LARP6: variants seen among roughly 807,000 people sequenced by gnomAD.
The protein encoded by LARP6 is La ribonucleoprotein 6, translational regulator.
In LARP6, 18 loss-of-function variants were observed where a neutral mutation model predicts 32.8. The ratio of observed to expected loss-of-function variants is 0.55; its 90% CI spans 0.38 to 0.81. LARP6 has a LOEUF of 0.81. LARP6 is among the 40% of genes least tolerant of loss of function. LARP6 has a pLI of 0.00. For missense variants in LARP6, 598 were observed against 663.1 expected (o/e 0.90, Z 1.08); for synonymous variants, 289 against 267.2 (o/e 1.08, Z -0.80).
At chr15:70,844,218 A>G (rs989547882) in intron 1 of LARP6, among the ~76,000 whole-genome samples, 11 of 152,196 alleles carry the variant, frequency 7.2e-5, no homozygotes, top group African/African-American at 1.9e-4. Context: ...CAGCCTCCCA[A>G]TGTGCTGGGA....
chr15:70,845,309 C>T (rs996017252), intron 1 of LARP6, among the ~76,000 whole-genome samples: 1 of 152,158 alleles, frequency 6.6e-6, no homozygotes, highest in Admixed American at 6.5e-5. Flanking sequence ...CCTGAGGCTC[C>T]TCTTGGCTGT....
rs776336405 is a variant in LARP6, at chr15:70,832,614, T to C, written c.914A>G (p.Asn305Ser). 39 of 1,606,932 alleles carry C rather than the reference T, an allele frequency of 2.4e-5. No homozygotes were observed. Among genetic ancestry groups the C allele is most frequent in the Non-Finnish European group, 2.9e-5 (34 of 1,177,856 alleles). ...PPKKKPAKDK[N>S]HDEEPTASIH... ...GCTCGCAGTGGGCTCCTCGTCATGA[T>C]TTTTGTCTTTGGCAGGTTTCTTTTT... is the stretch of plus-strand genomic sequence containing the variant. The change falls in exon 3 of 3, where the codon AAT becomes AGT. Residue 305 changes from asparagine (N) to serine (S), a missense_variant. Around this residue, in one of 3 missense-constraint regions of LARP6, gnomAD observed 368 missense variants for 397.9 expected, o/e 0.92. Transcript: ENST00000299213.
chr15:70,839,175 C>G (rs1440061882), intron 1 of LARP6, among the ~76,000 whole-genome samples: 2 of 152,120 alleles, frequency 1.3e-5, no homozygotes, highest in African/African-American at 4.8e-5. Context: ...CACGGTGGCT[C>G]ACACCTATAA....
intron 1 of LARP6, among the ~76,000 whole-genome samples, chr15:70,846,729 T>C (rs1219267551): frequency 1.3e-5 from 2 of 152,034 alleles, no homozygotes; most frequent in East Asian, 3.8e-4. Context: ...GCATCAAAAC[T>C]TATTTCCATC....
intron 1 of LARP6, among the ~76,000 whole-genome samples, chr15:70,848,342 A>T (rs575887833): frequency 1.3e-5 from 2 of 152,310 alleles, no homozygotes; most frequent in African/African-American, 4.8e-5. Context: ...CAACTAGTGG[A>T]TGTCTCCATG....
chr15:70,832,584 T>A lies in LARP6; in HGVS notation c.944A>T (p.His315Leu). 6.3e-7 allele frequency: 1 copy of A among 1,588,764 alleles called. No homozygotes were observed. The highest frequency in any genetic ancestry group is 8.5e-7 in the Non-Finnish European group (1 of 1,169,876). Residue 315 changes from histidine to leucine, a missense_variant, in exon 3 of 3, where the codon CAC (histidine) becomes CTC (leucine). Transcript: ENST00000299213. ...NHDEEPTASI[H>L]LNKSLNKRVE... Reference sequence around the variant, plus strand: ...TCTCTTGTTCAGGGACTTGTTCAGGTGGATGCTCGCAGTGGGCTCCTCGTC... The same window carrying A: ...TCTCTTGTTCAGGGACTTGTTCAGGAGGATGCTCGCAGTGGGCTCCTCGTC...
chr15:70,853,261 G>A (rs2032532703), intron 1 of LARP6: 2 of 129,282 alleles, frequency 1.5e-5, no homozygotes, highest in Non-Finnish European at 3.1e-5. Context: ...CAAACATAAA[G>A]GTCTGGTGGG....
intron 1 of LARP6, among the ~76,000 whole-genome samples, chr15:70,847,027 C>T (rs1468240492): frequency 2.0e-5 from 3 of 152,198 alleles, no homozygotes; most frequent in Non-Finnish European, 4.4e-5. Flanking sequence ...GAGAGTAGAA[C>T]TCAAGCTGGT....
intron 1 of LARP6, among the ~76,000 whole-genome samples, chr15:70,842,647 G>C (rs893497541): frequency 6.6e-6 from 1 of 152,156 alleles, no homozygotes; most frequent in East Asian, 1.9e-4. Flanking sequence ...CCCATCAATA[G>C]GCATTCTATC....
rs767830826 is a variant in LARP6 at position 70,854,023 on chromosome 15, G to A, written c.66C>T (p.Ile22=). 1.1e-5 allele frequency: 16 copies of A among 1,455,142 alleles called. No homozygotes were observed. The highest frequency in any genetic ancestry group is 1.8e-4 in the Middle Eastern group (1 of 5,476). 90.1% of individuals were successfully genotyped at this position (1,455,142 alleles called of 1,614,324 possible). ...ACTCGTCCACGTCCTCGGCCTCCTG[G>A]ATGGCGACGCGGATCTGCACCGCCG... ...PKTAVQIRVA[I]QEAEDVDELE... The change falls in exon 1 of 3, where the codon ATC becomes ATT. Residue 22 remains isoleucine, a synonymous_variant. Transcript: ENST00000299213.
chr15:70,848,963 T>C (rs2141058410), intron 1 of LARP6: 1 of 152,326 alleles, frequency 6.6e-6, no homozygotes, highest in Middle Eastern at 3.4e-3. Flanking sequence ...GTTAATGTTA[T>C]TAGGAACCAA....
rs1038904459 is a variant in LARP6 at position 70,829,870 on chromosome 15, C to T, written c.*2182G>A. ...GTAACTATGATCCACGAGGGTTAAT[C>T]TAAAAATAGAGCTGTGACTTGTGTA... On this transcript the variant is annotated 3_prime_UTR_variant, in exon 3 of 3. Coordinates refer to ENST00000299213, the MANE Select transcript of LARP6 (RefSeq NM_018357.4). 1 of 152,244 alleles carries T rather than the reference C, an allele frequency of 6.6e-6. No homozygotes were observed. The highest frequency in any genetic ancestry group is 1.5e-5 in the Non-Finnish European group (1 of 68,042). 9.4% of individuals were successfully genotyped at this position (152,244 alleles called of 1,614,324 possible). A position where few individuals can be genotyped will look rare whatever the true frequency, so the allele number is the denominator to read the frequency against.
Position 70,832,227 on chromosome 15 carries a change from C to T in LARP6, c.1301G>A (p.Arg434Gln), listed in dbSNP as rs776553076. The T allele has an allele frequency of 2.3e-5, 37 of 1,613,886 alleles. No homozygotes were observed. The highest frequency in any genetic ancestry group is 1.5e-4 in the Admixed American group (9 of 59,986). ...SVTPSGSPWV[R>Q]RRRQAEMGTQ... The stretch of plus-strand genomic sequence containing the variant: ...CCCCATCTCGGCTTGGCGACGCCTC[C>T]GGACCCAGGGGCTGCCAGAGGGAGT... Residue 434 changes from arginine to glutamine, a missense_variant, in exon 3 of 3, where the codon CGG becomes CAG. Physicochemically the swap from Arg to Gln is conservative, Grantham distance 43. Transcript: ENST00000299213.
intron 1 of LARP6, among the ~76,000 whole-genome samples, chr15:70,844,621 C>T (rs1171509144): frequency 2.0e-5 from 3 of 152,184 alleles, no homozygotes; most frequent in Middle Eastern, 3.2e-3. Context: ...AGTTGACTGA[C>T]CACCTGGATT....
Position 70,854,107 on chromosome 15 carries a change from G to GCC in LARP6, c.-21_-20dup. 2 of 1,245,944 alleles carry GCC rather than the reference G, an allele frequency of 1.6e-6. No homozygotes were observed. The highest frequency in any genetic ancestry group is 2.0e-6 in the Non-Finnish European group (2 of 992,246). The allele number at this position is 1,245,944 out of a possible 1,614,324, so 77.2% of individuals were successfully genotyped here. A position where few individuals can be genotyped will look rare whatever the true frequency, so the allele number is the denominator to read the frequency against. ...GGGCCATGGCTCGCGGGACTGCGGC[G>GCC]CCGCCGGGGTCCTCACGCCGCAAGG... On this transcript the variant is annotated 5_prime_UTR_variant, in exon 1 of 3. Transcript: ENST00000299213.
chr15:70,848,143 T>C (rs1262724681), intron 1 of LARP6, among the ~76,000 whole-genome samples: 2 of 152,188 alleles, frequency 1.3e-5, no homozygotes, highest in African/African-American at 4.8e-5. Context: ...ACAGGTATGT[T>C]CTCAACTTTG....
intron 1 of LARP6, among the ~76,000 whole-genome samples, chr15:70,842,522 C>T (rs1459454889): frequency 1.3e-5 from 2 of 152,200 alleles, no homozygotes; most frequent in African/African-American, 2.4e-5. Context: ...CAATTCCTAA[C>T]TGCATGCCAG....
rs1160558283 is a variant in LARP6 at position 70,854,141 on chromosome 15, G to A, written c.-53C>T. ...GTCCTCACGCCGCAAGGCCCAGCCA[G>A]CCGGTCGGCAGCGACTGCGACGAGG... On this transcript the variant is annotated 5_prime_UTR_variant, in exon 1 of 3. Coordinates refer to ENST00000299213, the MANE Select transcript of LARP6 (RefSeq NM_018357.4). The A allele has an allele frequency of 1.1e-5, 13 of 1,195,422 alleles. No homozygotes were observed. Among genetic ancestry groups the A allele is most frequent in the Non-Finnish European group, 1.0e-5 (10 of 959,746 alleles). The allele number at this position is 1,195,422 out of a possible 1,614,324, so 74.1% of individuals were successfully genotyped here.
intron 1 of LARP6, among the ~76,000 whole-genome samples, chr15:70,841,517 C>A (rs946082640): frequency 2.0e-5 from 3 of 152,146 alleles, no homozygotes; most frequent in Non-Finnish European, 4.4e-5. Flanking sequence ...GCAGATCTCA[C>A]GTTGAATTGT....
Sources: allele counts gnomAD v4.1 joint callset (sites outside exome capture counted in the v4.1 genomes callset), GRCh38; gene constraint gnomAD v4.1.1; regional missense constraint gnomAD v4.1.1; transcripts MANE v1.5; gene names NCBI Gene and HGNC (gene_info 2026-07-23, HGNC 2026-07-21).